The following KNL1 variants were observed in gnomAD, a reference collection of about 807,000 sequenced individuals.
KNL1 encodes the protein outer kinetochore KNL1 complex subunit KNL1.
A neutral mutation model predicts 201.3 loss-of-function variants in KNL1; 66 were observed. That is an observed-to-expected ratio of 0.33 (90% CI 0.27 to 0.40). The LOEUF (loss-of-function observed/expected upper bound fraction) is 0.40, where lower values mean the gene tolerates loss of function less well. Ranked by LOEUF, KNL1 falls within the 10% of genes least tolerant of loss-of-function variation. The pLI is 1.00. For synonymous variants in KNL1, 895 were observed against 899.2 expected (o/e 1.00, Z 0.08); for missense variants, 2,815 against 2,690.5 (o/e 1.05, Z -1.02).
intron 14 of KNL1, chr15:40,643,165 T>G (rs546663176): frequency 6.6e-6 from 1 of 152,260 alleles, no homozygotes; most frequent in South Asian, 2.1e-4. Flanking sequence ...GCCTTTGAAC[T>G]GAATTGGAAA....
At chr15:40,635,273 C>T (rs917394759) in intron 13 of KNL1, among the ~76,000 whole-genome samples, 7 of 151,768 alleles carry the variant, frequency 4.6e-5, no homozygotes, top group South Asian at 2.1e-4. Flanking sequence ...AGGATGGTCT[C>T]GATCTCCTGA....
intron 13 of KNL1, among the ~76,000 whole-genome samples, chr15:40,630,629 T>C (rs1892887822): frequency 6.6e-6 from 1 of 152,116 alleles, no homozygotes; most frequent in Non-Finnish European, 1.5e-5. Context: ...GCACGAACCC[T>C]ATTGTGAACT....
chr15:40,628,086 C>G lies in KNL1; in HGVS notation c.5393C>G (p.Thr1798Ser). 6.2e-7 allele frequency: 1 copy of G among 1,601,146 alleles called. No individual in the cohort carries two copies. Among genetic ancestry groups the G allele is most frequent in the Non-Finnish European group, 8.5e-7 (1 of 1,175,380 alleles). ...TQDREIFDHH[T>S]EEDIDKSANS... Reference sequence around the variant, plus strand: ...CAATTTCAGATTTTTGATCACCATACTGAAGAGGATATAGATAAAAGTGCT... The same window carrying G: ...CAATTTCAGATTTTTGATCACCATAGTGAAGAGGATATAGATAAAAGTGCT... The change falls in exon 11 of 26, where the codon ACT (threonine) becomes AGT (serine). Residue 1798 changes from threonine (T) to serine (S), a missense_variant. Coordinates refer to ENST00000399668, the MANE Select transcript of KNL1 (RefSeq NM_144508.5).
Position 40,663,300 on chromosome 15 carries a change from C to T in KNL1, c.*1112C>T, listed in dbSNP as rs1893964981. 5.8e-6 allele frequency: 1 copy of T among 172,884 alleles called. No homozygotes were observed. The highest frequency in any genetic ancestry group is 1.3e-5 in the Non-Finnish European group (1 of 79,922). 10.7% of individuals were successfully genotyped at this position (172,884 alleles called of 1,614,324 possible). A position where few individuals can be genotyped will look rare whatever the true frequency, so the allele number is the denominator to read the frequency against. Reference sequence around the variant, plus strand: ...GGTCTCGATCTCCTGACCTCGTGATCCGCCTGCCTCGGCTTCAAAGTGCTG... The same window carrying T: ...GGTCTCGATCTCCTGACCTCGTGATTCGCCTGCCTCGGCTTCAAAGTGCTG... On this transcript the variant is annotated 3_prime_UTR_variant, in exon 26 of 26. Transcript: ENST00000399668.
At position 40,651,549 on chromosome 15, in the gene KNL1, T is replaced by C. The variant is rs1278897138; in HGVS notation, c.6291T>C (p.Thr2097=). 1 of 1,609,408 alleles carries C rather than the reference T, an allele frequency of 6.2e-7. No homozygotes were observed. Among genetic ancestry groups the C allele is most frequent in the Non-Finnish European group, 8.5e-7 (1 of 1,178,146 alleles). Residue 2097 remains threonine (T), a synonymous_variant, in exon 20 of 26, where the codon ACT becomes ACC. Transcript: ENST00000399668. ...TTATGCAAAAACAAAGAAATAGAAC[T>C]GAAGAGCTACTGGATCAGTTGAGGT... is the stretch of plus-strand genomic sequence containing the variant. ...IDFMQKQRNR[T]EELLDQLSLS... is the part of the protein sequence containing the mutation.
In KNL1 at chr15:40,652,117, A is replaced by G; in HGVS notation, c.6415+12A>G. The G allele has an allele frequency of 6.4e-7, 1 of 1,559,534 alleles. No individual in the cohort carries two copies. Among genetic ancestry groups the G allele is most frequent in the Non-Finnish European group, 8.8e-7 (1 of 1,131,278 alleles). On this transcript the variant is annotated intron_variant, in intron 21 of 25. Transcript: ENST00000399668. ...TGAAGAGTCAGTTGGTAAGGAGCCAAAGTGAGATAATTCTTTTACAGAAAA... is the reference window on the plus strand; with the variant it reads ...TGAAGAGTCAGTTGGTAAGGAGCCAGAGTGAGATAATTCTTTTACAGAAAA...
At chr15:40,655,833 G>A (rs1451471533) in intron 22 of KNL1, among the ~76,000 whole-genome samples, 4 of 145,008 alleles carry the variant, frequency 2.8e-5, no homozygotes, top group African/African-American at 7.7e-5. Flanking sequence ...GGAGAATGGC[G>A]TGAACCCGGG....
intron 7 of KNL1, among the ~76,000 whole-genome samples, 179 bp from the exon 8 acceptor site, chr15:40,615,162 T>A (rs1373754802): frequency 6.6e-6 from 1 of 152,188 alleles, no homozygotes; most frequent in Non-Finnish European, 1.5e-5. Context: ...AGTCTTTTTT[T>A]AAAAAGATGT....
rs1330533731 is a variant in KNL1, at chr15:40,645,016, A to C, written c.5818A>C (p.Asn1940His). 6.2e-7 allele frequency: 1 copy of C among 1,611,708 alleles called. No homozygotes were observed. The change falls in exon 15 of 26, where the codon AAC becomes CAC. Residue 1940 changes from asparagine (N) to histidine (H), a missense_variant. Physicochemically the swap from Asn to His is moderately conservative, Grantham distance 68. Around this residue, in one of 3 missense-constraint regions of KNL1, gnomAD observed 2,464 missense variants for 2,291.7 expected, o/e 1.08. Coordinates refer to ENST00000399668, the MANE Select transcript of KNL1 (RefSeq NM_144508.5). ...KIEELKLSAS[N>H]QDKLLVDINK... ...TTTTAGATTAAAGCTTTCTGCATCG[A>C]ACCAAGATAAGCTGTTGGTTGATAT...
In KNL1 at chr15:40,625,542, C is replaced by G; in HGVS notation, c.5278C>G (p.Gln1760Glu). 6.2e-7 allele frequency: 1 copy of G among 1,605,404 alleles called. No homozygotes were observed. The highest frequency in any genetic ancestry group is 8.5e-7 in the Non-Finnish European group (1 of 1,177,802). The change falls in exon 10 of 26, where the codon CAA becomes GAA. Residue 1760 changes from glutamine (Q) to glutamate (E), a missense_variant. Coordinates refer to ENST00000399668, the MANE Select transcript of KNL1 (RefSeq NM_144508.5). ...TAAAATGGGAAAAACTTGCAATAGC[C>G]AAAAAAGAACGTGGGTACAAGAAGA... is the stretch of plus-strand genomic sequence containing the variant. ...ENKMGKTCNS[Q>E]KRTWVQEEED...
Position 40,612,086 on chromosome 15 carries a change from G to A in KNL1, c.284+575G>A, listed in dbSNP as rs537653662. 4.6e-4 allele frequency among the ~76,000 whole-genome samples: 70 copies of A among 152,250 alleles called. 1 individual carries two copies. Among genetic ancestry groups the A allele is most frequent in the Admixed American group, 2.7e-3 (42 of 15,282 alleles). ...TAAACCAAGCACTTAGGGAGGCTGA[G>A]GCGGGTAGATCACGAGGTCAGGAGA... On this transcript the variant is annotated intron_variant, in intron 7 of 25. Transcript: ENST00000399668.
At chr15:40,599,600 T>C (rs1891726348) in intron 1 of KNL1, among the ~76,000 whole-genome samples, 1 of 151,842 alleles carries the variant, frequency 6.6e-6, no homozygotes, top group Non-Finnish European at 1.5e-5. Flanking sequence ...TCCAGGCCCC[T>C]TTGGACTCCT....
chr15:40,615,291 C>T (rs1892301349), intron 7 of KNL1, 50 bp from the exon 8 acceptor site: 1 of 539,906 alleles, frequency 1.9e-6, no homozygotes, highest in Non-Finnish European at 3.2e-6. Flanking sequence ...TTGAAAGATT[C>T]TTGGTAATTG....
intron 13 of KNL1, among the ~76,000 whole-genome samples, chr15:40,631,291 T>A (rs1165886879): frequency 6.6e-6 from 1 of 151,178 alleles, no homozygotes. Context: ...GACAACATAG[T>A]TGGGTAAAAA....
At position 40,610,262 on chromosome 15, in the gene KNL1, C is replaced by A; in HGVS notation, c.215C>A (p.Ser72Tyr). Residue 72 changes from serine (S) to tyrosine (Y), a missense_variant, in exon 6 of 26, where the codon TCT becomes TAT. Physicochemically the swap from Ser to Tyr is moderately radical, Grantham distance 144. This residue lies in a region of KNL1 where 2,464 missense variants were observed against 2,291.7 expected (regional missense o/e 1.08). Transcript: ENST00000399668. ...TCTTCTAGGGTATTCCAGACGGAGTCTCATATGAAAATAGTGAGAAAGTCA... is the reference window on the plus strand; with the variant it reads ...TCTTCTAGGGTATTCCAGACGGAGTATCATATGAAAATAGTGAGAAAGTCA... The part of the protein sequence containing the change: ...ADTIKVFQTE[S>Y]HMKIVRKSEM... 1.3e-6 allele frequency: 2 copies of A among 1,508,664 alleles called. No individual in the cohort carries two copies. The highest frequency in any genetic ancestry group is 1.8e-6 in the Non-Finnish European group (2 of 1,085,478). The allele number at this position is 1,508,664 out of a possible 1,614,324, so 93.5% of individuals were successfully genotyped here.
intron 13 of KNL1, among the ~76,000 whole-genome samples, chr15:40,637,404 C>A (rs1893090484): frequency 6.9e-6 from 1 of 144,760 alleles, no homozygotes; most frequent in South Asian, 2.2e-4. Context: ...CGTTGTAATT[C>A]CATTAGGAAA....
intron 1 of KNL1, among the ~76,000 whole-genome samples, chr15:40,595,185 T>C (rs1045811220): frequency 2.6e-5 from 4 of 152,246 alleles, no homozygotes; most frequent in African/African-American, 7.2e-5. Context: ...CCTGTAGATA[T>C]TTATTGGGTT....
chr15:40,630,568 A>C (rs370621558), intron 13 of KNL1, among the ~76,000 whole-genome samples: 5 of 152,144 alleles, frequency 3.3e-5, no homozygotes, highest in Non-Finnish European at 1.5e-5. Flanking sequence ...TGCATTACCA[A>C]CTGAGCTCTG....
intron 1 of KNL1, among the ~76,000 whole-genome samples, chr15:40,597,540 G>A (rs1891655645): frequency 1.3e-5 from 2 of 152,152 alleles, no homozygotes; most frequent in Non-Finnish European, 2.9e-5. Context: ...CTCCCAAAGT[G>A]CTGAGATTAC....
Sources: gnomAD v4.1 joint callset for allele counts (sites outside exome capture counted in the v4.1 genomes callset) on GRCh38, gnomAD v4.1.1 for gene constraint, gnomAD v4.1.1 regional missense constraint, MANE v1.5 for transcripts, NCBI Gene and HGNC (gene_info 2026-07-23, HGNC 2026-07-21) for gene names.